Variants in ATP11C observed in about 807,000 individuals in gnomAD.
ATP11C encodes the protein phospholipid-transporting ATPase IG.
ATP11C carries 36 observed loss-of-function variants against 97.4 expected under a neutral mutation model. That is an observed-to-expected ratio of 0.37 (90% CI 0.28 to 0.49). The LOEUF (loss-of-function observed/expected upper bound fraction) is 0.49, where lower values mean the gene tolerates loss of function less well. Among genes scored for constraint, ATP11C ranks in the 20% least tolerant of loss-of-function variants. ATP11C has a pLI of 0.98. For missense variants in ATP11C, 730 were observed against 824.6 expected, an observed-to-expected ratio of 0.89 and a Z score of 1.40; for synonymous variants, 275 against 290.9, an observed-to-expected ratio of 0.95 and a Z score of 0.56.
intron 16 of ATP11C, among the ~76,000 whole-genome samples, chrX:139,783,857 T>C (rs1417651406): frequency 1.0e-5 from 1 of 98,925 alleles, no homozygotes; most frequent in Non-Finnish European, 1.9e-5. Flanking sequence ...GACAGAGTAA[T>C]ACCGTGTCTT....
chrX:139,787,018 G>A (rs1603365927), intron 15 of ATP11C, among the ~76,000 whole-genome samples, 155 bp downstream of exon 15: 1 of 111,896 alleles, frequency 8.9e-6, no homozygotes, highest in East Asian at 2.8e-4. Flanking sequence ...ATGTAACATG[G>A]CTTCTACCCC....
chrX:139,878,631 T>C (rs751851926), intron 1 of ATP11C, among the ~76,000 whole-genome samples: 92 of 111,501 alleles, frequency 8.3e-4, no homozygotes, highest in Admixed American at 1.4e-3. Context: ...TAAAATGCTA[T>C]AATGGACACA....
chrX:139,767,034 G>T (rs2082153522), intron 20 of ATP11C, among the ~76,000 whole-genome samples: 1 of 111,727 alleles, frequency 9.0e-6, no homozygotes, highest in Non-Finnish European at 1.9e-5. Flanking sequence ...ACCAGAGAAA[G>T]GAGTGATAGT....
chrX:139,875,414 C>T (rs1217616167), intron 1 of ATP11C, among the ~76,000 whole-genome samples: 1 of 88,741 alleles, frequency 1.1e-5, no homozygotes, highest in Non-Finnish European at 2.1e-5. Context: ...TGGGCCCCAT[C>T]TCCACAAAAA....
intron 1 of ATP11C, among the ~76,000 whole-genome samples, chrX:139,917,600 T>G (rs903361157): frequency 1.8e-5 from 2 of 111,610 alleles, no homozygotes; most frequent in Non-Finnish European, 3.8e-5. Flanking sequence ...GATGCTCACA[T>G]CACTAATCAT....
intron 13 of ATP11C, 123 bp from the exon 14 acceptor site, chrX:139,788,466 G>T (rs1030297762): frequency 4.9e-6 from 3 of 617,873 alleles, no homozygotes; most frequent in Non-Finnish European, 7.6e-6. Flanking sequence ...CTTAGTAGCA[G>T]ATACGTATAA....
At chrX:139,892,591 T>C (rs1369438543) in intron 1 of ATP11C, among the ~76,000 whole-genome samples, 1 of 111,735 alleles carries the variant, frequency 8.9e-6, no homozygotes, top group Non-Finnish European at 1.9e-5. Context: ...TGCCAACCAT[T>C]GTACCCATAA....
At chrX:139,739,890 T>C (rs1318454683) in intron 27 of ATP11C, among the ~76,000 whole-genome samples, 2 of 111,967 alleles carry the variant, frequency 1.8e-5, no homozygotes, top group Admixed American at 9.5e-5. Context: ...TCCAGCTTCA[T>C]TGCTCTCAAT....
intron 1 of ATP11C, among the ~76,000 whole-genome samples, chrX:139,920,347 C>G (rs766518564): frequency 2.4e-4 from 20 of 84,926 alleles, no homozygotes; most frequent in Admixed American, 8.6e-4. Flanking sequence ...ACAGACTCCA[C>G]CTCAAAAAAA....
At chrX:139,863,995 T>C (rs1357223787) in intron 1 of ATP11C, among the ~76,000 whole-genome samples, 2 of 109,386 alleles carry the variant, frequency 1.8e-5, no homozygotes, top group African/African-American at 6.7e-5. Context: ...ACCCTGGAGG[T>C]TGAGGCTGCA....
Position 139,852,996 on chromosome X carries a change from T to A in ATP11C, c.28-26173A>T, listed in dbSNP as rs781304794. Among the ~76,000 whole-genome samples the A allele has an allele frequency of 3.1e-4, 34 of 110,821 alleles. 1 individual carries two copies. In the South Asian group the frequency reaches 0.013, roughly 43 times the overall value. ...CTTGTGGGACAGGCAAGGCAAGACA[T>A]CCCTGGTGTGAGGGGTTGAGCCTTC... On this transcript the variant is annotated intron_variant, in intron 1 of 29. Transcript: ENST00000682941.
In ATP11C at chrX:139,802,087, G is replaced by A. The variant is rs752387973; in HGVS notation, c.659+149C>T. 1.5e-4 allele frequency: 68 copies of A among 465,758 alleles called. 2 individuals carry two copies. In the Admixed American group the frequency reaches 2.2e-3, roughly 15 times the overall value. The allele number at this position is 465,758 out of a possible 1,213,427, so 38.4% of individuals were successfully genotyped here. A position where few individuals can be genotyped will look rare whatever the true frequency, so the allele number is the denominator to read the frequency against. ...GGTTGATAGTGAACAAGGCTGATTT[G>A]ATTCATTTTTCTGCCAGAAGGAAGG... is the stretch of plus-strand genomic sequence containing the variant. On this transcript the variant is annotated intron_variant, in intron 7 of 29. Transcript: ENST00000682941.
chrX:139,796,399 G>A lies in ATP11C; in HGVS notation c.1080C>T (p.Tyr360=), dbSNP rs745426558. Residue 360 remains tyrosine (Y), a synonymous_variant, in exon 12 of 30, where the codon TAC becomes TAT. Coordinates refer to ENST00000682941, the MANE Select transcript of ATP11C (RefSeq NM_001353812.2). ...LFNFIIPVSM[Y]VTVEMQKFLG... ...AGAATTTCTGCATTTCTACTGTGAC[G>A]TACATGGAGACAGGAATGATAAAGT... 4.2e-6 allele frequency: 5 copies of A among 1,202,932 alleles called. No homozygotes were observed. Among genetic ancestry groups the A allele is most frequent in the South Asian group, 1.8e-5 (1 of 56,384 alleles).
intron 2 of ATP11C, among the ~76,000 whole-genome samples, chrX:139,822,419 GTTTGT>G (rs201427702): frequency 0.099 from 10,172 of 102,713 alleles, 846 homozygotes; most frequent in East Asian, 0.26. Flanking sequence ...TTGTTTGTTT[GTTTGT>G]TTTTTTTGAG....
intron 18 of ATP11C, among the ~76,000 whole-genome samples, chrX:139,779,929 T>C (rs1351159782): frequency 9.0e-6 from 1 of 111,705 alleles, no homozygotes; most frequent in Non-Finnish European, 1.9e-5. Flanking sequence ...ATTATGAACA[T>C]ATCTACGAGC....
chrX:139,742,471 TA>T (rs1274636870), intron 26 of ATP11C, among the ~76,000 whole-genome samples: 5 of 111,393 alleles, frequency 4.5e-5, no homozygotes, highest in Non-Finnish European at 9.4e-5. Context: ...GTATAAGAAA[TA>T]AACCAGGAAC....
chrX:139,878,439 T>C (rs992869760), intron 1 of ATP11C, among the ~76,000 whole-genome samples: 2 of 112,285 alleles, frequency 1.8e-5, no homozygotes, highest in Non-Finnish European at 1.9e-5. Flanking sequence ...ATTAATATGT[T>C]TTTAACTTTG....
At chrX:139,843,618 T>C (rs769979378) in intron 1 of ATP11C, among the ~76,000 whole-genome samples, 1 of 111,583 alleles carries the variant, frequency 9.0e-6, no homozygotes, top group Admixed American at 9.5e-5. Context: ...CAAGGGATGA[T>C]GAAGAACAGA....
chrX:139,814,834 G>T, intron 5 of ATP11C, 44 bp downstream of exon 5: 1 of 748,275 alleles, frequency 1.3e-6, no homozygotes, highest in Admixed American at 3.3e-5. Context: ...CTTTAAAATG[G>T]TGTATTTTTA....
Sources: allele counts gnomAD v4.1 joint callset (sites outside exome capture counted in the v4.1 genomes callset), GRCh38; gene constraint gnomAD v4.1.1; transcripts MANE v1.5; gene names NCBI Gene and HGNC (gene_info 2026-07-23, HGNC 2026-07-21).